The following MAGI1 variants were observed in gnomAD, a reference collection of about 807,000 sequenced individuals.
MAGI1 encodes membrane-associated guanylate kinase, WW and PDZ domain-containing protein 1.
In MAGI1, 58 loss-of-function variants were observed where a neutral mutation model predicts 139.9. That is an observed-to-expected ratio of 0.41 (90% CI 0.34 to 0.52). The LOEUF (loss-of-function observed/expected upper bound fraction) is 0.52, where lower values mean the gene tolerates loss of function less well. MAGI1 is among the 20% of genes least tolerant of loss of function. The pLI is 0.12. For missense variants in MAGI1, 1,874 were observed against 1,901.6 expected, an observed-to-expected ratio of 0.99 and a Z score of 0.27; for synonymous variants, 812 against 737.9, an observed-to-expected ratio of 1.10 and a Z score of -1.63.
At chr3:65,933,614 G>A (rs947457347) in intron 1 of MAGI1, among the ~76,000 whole-genome samples, 4 of 152,182 alleles carry the variant, frequency 2.6e-5, no homozygotes, top group African/African-American at 9.7e-5. Flanking sequence ...GTCCATACAA[G>A]GCCATGAATA....
chr3:65,704,458 C>T lies in MAGI1; in HGVS notation c.314-82370G>A, dbSNP rs535612347. On this transcript the variant is annotated intron_variant, in intron 1 of 22. Transcript: ENST00000402939. Reference sequence around the variant, plus strand: ...TTGCCTCCTTTCCCCAGGCTTCCTACGGGGTTTCTAGACATTACCACTTGC... The same window carrying T: ...TTGCCTCCTTTCCCCAGGCTTCCTATGGGGTTTCTAGACATTACCACTTGC... 7.2e-5 allele frequency among the ~76,000 whole-genome samples: 11 copies of T among 152,266 alleles called. No homozygotes were observed. The South Asian group carries it at 8.3e-4, about 11-fold the overall frequency.
intron 1 of MAGI1, among the ~76,000 whole-genome samples, chr3:65,842,493 C>T (rs746092520): frequency 1.8e-4 from 28 of 152,008 alleles, no homozygotes; most frequent in Admixed American, 6.5e-4. Flanking sequence ...TCCCGAGTAG[C>T]TGGGATTATA....
intron 1 of MAGI1, among the ~76,000 whole-genome samples, chr3:65,809,904 C>T (rs1046580237): frequency 6.6e-6 from 1 of 151,852 alleles, no homozygotes; most frequent in African/African-American, 2.4e-5. Flanking sequence ...CTGCTATACA[C>T]CCCCATTCTG....
intron 1 of MAGI1, among the ~76,000 whole-genome samples, chr3:65,994,129 C>A (rs1388588360): frequency 6.6e-6 from 1 of 151,914 alleles, no homozygotes; most frequent in Non-Finnish European, 1.5e-5. Context: ...CAAAAATTAG[C>A]CAGGCGTGGT....
intron 17 of MAGI1, among the ~76,000 whole-genome samples, chr3:65,377,117 G>C (rs915145704): frequency 1.3e-5 from 2 of 152,188 alleles, no homozygotes; most frequent in African/African-American, 2.4e-5. Flanking sequence ...AGGCTCTTCT[G>C]TCATGATTTG....
chr3:65,825,772 G>A (rs965048339), intron 1 of MAGI1, among the ~76,000 whole-genome samples: 23 of 152,066 alleles, frequency 1.5e-4, no homozygotes, highest in Admixed American at 1.4e-3. Context: ...GGCAGATCAC[G>A]ACGTCAAGAA....
intron 2 of MAGI1, among the ~76,000 whole-genome samples, chr3:65,504,581 G>A (rs1218504674): frequency 6.6e-6 from 1 of 152,128 alleles, no homozygotes; most frequent in Non-Finnish European, 1.5e-5. Context: ...ACTAGTGGAG[G>A]AGCGAGGTGC....
At chr3:65,822,863 T>C (rs748313903) in intron 1 of MAGI1, among the ~76,000 whole-genome samples, 7 of 152,202 alleles carry the variant, frequency 4.6e-5, no homozygotes, top group African/African-American at 9.6e-5. Flanking sequence ...GAACCATTGC[T>C]GAACCTGCAT....
Position 65,356,659 on chromosome 3 carries a change from G to T in MAGI1, c.4108C>A (p.Arg1370=). The T allele has an allele frequency of 6.3e-7, 1 of 1,582,800 alleles. No individual in the cohort carries two copies. The highest frequency in any genetic ancestry group is 2.2e-5 in the East Asian group (1 of 44,558). ...AGGAGTCTCTCCAGAGACCGTCTCC[G>T]CCGGCTGGGGGAGCCGTCTCTCCTG... is the stretch of plus-strand genomic sequence containing the variant. ...TRRRDGSPSR[R]RRSLERLLEQ... The change falls in exon 23 of 23, where the codon CGG becomes AGG. Residue 1370 remains arginine (R), a synonymous_variant. Coordinates refer to ENST00000402939, the MANE Select transcript of MAGI1 (RefSeq NM_001033057.2).
intron 1 of MAGI1, among the ~76,000 whole-genome samples, chr3:65,751,136 G>A (rs746515142): frequency 2.6e-5 from 4 of 152,178 alleles, no homozygotes; most frequent in Non-Finnish European, 5.9e-5. Flanking sequence ...ATAATTATTT[G>A]GGGGAAACAT....
Position 65,361,268 on chromosome 3 carries a change from G to A in MAGI1, c.3565C>T (p.Leu1189=). 2 of 1,614,154 alleles carry A rather than the reference G, an allele frequency of 1.2e-6. No homozygotes were observed. Among genetic ancestry groups the A allele is most frequent in the Non-Finnish European group, 1.7e-6 (2 of 1,180,014 alleles). Residue 1189 remains leucine, a synonymous_variant, in exon 22 of 23, where the codon CTG becomes TTG. Coordinates refer to ENST00000402939, the MANE Select transcript of MAGI1 (RefSeq NM_001033057.2). ...KNMKHSRAIE[L]IKNGGRRVRL... is the part of the protein sequence containing the mutation. ...ACTCTGCGGCCACCATTCTTAATCA[G>A]TTCTATAGCTCGAGAATGCTTCATG...
At chr3:65,464,830 T>C (rs1950066715) in intron 5 of MAGI1, among the ~76,000 whole-genome samples, 1 of 123,394 alleles carries the variant, frequency 8.1e-6, no homozygotes, top group African/African-American at 2.7e-5. Context: ...GTTCTGTTTT[T>C]CTTTCCTCTG....
intron 1 of MAGI1, among the ~76,000 whole-genome samples, chr3:65,978,621 C>CTT (rs373662388): frequency 0.087 from 11,185 of 128,980 alleles, 1,261 homozygotes; most frequent in African/African-American, 0.23. Context: ...CTCAAAATTT[C>CTT]TTTTTTTTTT....
intron 1 of MAGI1, among the ~76,000 whole-genome samples, chr3:65,984,615 A>C (rs1328891575): frequency 6.7e-6 from 1 of 149,688 alleles, no homozygotes; most frequent in African/African-American, 2.5e-5. Flanking sequence ...CTGCAGCTTC[A>C]GCCTCCCCAG....
intron 6 of MAGI1, among the ~76,000 whole-genome samples, chr3:65,451,240 A>G (rs1194192987): frequency 6.6e-6 from 1 of 151,040 alleles, no homozygotes; most frequent in Non-Finnish European, 1.5e-5. Context: ...GTATTCTATC[A>G]CTTATAATAT....
In MAGI1 at chr3:65,354,497, A is replaced by G. The variant is rs1231155303; in HGVS notation, c.*1881T>C. The G allele has an allele frequency of 6.5e-6, 1 of 152,680 alleles. No homozygotes were observed. The highest frequency in any genetic ancestry group is 1.5e-5 in the Non-Finnish European group (1 of 68,044). 9.5% of individuals were successfully genotyped at this position (152,680 alleles called of 1,614,324 possible). A position where few individuals can be genotyped will look rare whatever the true frequency, so the allele number is the denominator to read the frequency against. On this transcript the variant is annotated 3_prime_UTR_variant, in exon 23 of 23. Transcript: ENST00000402939. ...ACATACTGCTTTTCATCAATACAGA[A>G]AGAGCATTAAGTCCATAGCACACTG...
chr3:65,784,119 T>C (rs1377564149), intron 1 of MAGI1, among the ~76,000 whole-genome samples: 1 of 139,008 alleles, frequency 7.2e-6, no homozygotes, highest in Non-Finnish European at 1.6e-5. Flanking sequence ...TGAGACTCCA[T>C]CTCAAAAAAA....
intron 1 of MAGI1, among the ~76,000 whole-genome samples, chr3:65,859,490 A>G (rs1202363038): frequency 6.6e-6 from 1 of 152,090 alleles, no homozygotes; most frequent in Non-Finnish European, 1.5e-5. Context: ...GCGCTTTAGG[A>G]AGCTGAGGTG....
At position 65,598,735 on chromosome 3, in the gene MAGI1, TA is replaced by T. The variant is rs746304129; in HGVS notation, c.430+23236del. ...TTTTAAGGAGTGATAGGATAGTGGATAGGGGGAGGCTGGCCTCTGGTGCAGA... is the reference window on the plus strand; with the variant it reads ...TTTTAAGGAGTGATAGGATAGTGGATGGGGGAGGCTGGCCTCTGGTGCAGA... On this transcript the variant is annotated intron_variant, in intron 2 of 22. Coordinates refer to ENST00000402939, the MANE Select transcript of MAGI1 (RefSeq NM_001033057.2). Among the ~76,000 whole-genome samples, 33 of 152,266 alleles carry T rather than the reference TA, an allele frequency of 2.2e-4. 1 individual carries two copies. Among genetic ancestry groups the T allele is most frequent in the Admixed American group, 1.4e-3 (22 of 15,300 alleles).
Sources: allele counts gnomAD v4.1 joint callset (sites outside exome capture counted in the v4.1 genomes callset), GRCh38; gene constraint gnomAD v4.1.1; transcripts MANE v1.5; gene names NCBI Gene and HGNC (gene_info 2026-07-23, HGNC 2026-07-21).